The following EYS variants were observed in gnomAD, a reference collection of about 807,000 sequenced individuals.
EYS encodes the protein EGF-like photoreceptor maintenance factor.
EYS carries 250 observed loss-of-function variants against 282.1 expected under a neutral mutation model. That is an observed-to-expected ratio of 0.89 (90% CI 0.80 to 0.98). The LOEUF (loss-of-function observed/expected upper bound fraction) is 0.98. Among genes scored for constraint, EYS ranks in the 50% least tolerant of loss-of-function variants. The probability of loss-of-function intolerance (pLI) is 0.00; values close to 1 mark genes in which losing one functional copy is unlikely to be tolerated. For synonymous variants in EYS, 1,355 were observed against 1,282.9 expected (o/e 1.06, Z -1.20); for missense variants, 4,016 against 3,709.0 (o/e 1.08, Z -2.15).
At chr6:65,681,261 T>C (rs1031865168) in intron 1 of EYS, among the ~76,000 whole-genome samples, 13 of 152,126 alleles carry the variant, frequency 8.5e-5, no homozygotes, top group Admixed American at 3.9e-4. Context: ...TTGGTCTATC[T>C]GGCAACCAAC....
chr6:65,519,708 A>ATATAT lies in EYS; in HGVS notation c.-332-23716_-332-23715insATATA, dbSNP rs1554205854. Among the ~76,000 whole-genome samples, 16 of 42,566 alleles carry ATATAT rather than the reference A, an allele frequency of 3.8e-4. No individual in the cohort carries two copies. In the East Asian group the frequency reaches 4.5e-3, roughly 12 times the overall value. The allele number at this position is 42,566 out of a possible 152,430, so 27.9% of individuals were successfully genotyped here. A position where few individuals can be genotyped will look rare whatever the true frequency, so the allele number is the denominator to read the frequency against. On this transcript the variant is annotated intron_variant, in intron 2 of 42. Transcript: ENST00000503581. Reference sequence around the variant, plus strand: ...TAACTATATATATATATATATATATATTTTTTTTTTTTTTTTTTTTTTTTT... The same window carrying ATATAT: ...TAACTATATATATATATATATATATATATATTTTTTTTTTTTTTTTTTTTTTTTTT...
At chr6:64,950,243 A>G (rs1769439503) in intron 14 of EYS, among the ~76,000 whole-genome samples, 2 of 152,014 alleles carry the variant, frequency 1.3e-5, no homozygotes, top group South Asian at 2.1e-4. Flanking sequence ...ATTTAAAAAT[A>G]TACCAAAGGA....
Position 63,984,621 on chromosome 6 carries a change from AC to A in EYS, c.6835-19del. 6.7e-7 allele frequency: 1 copy of A among 1,482,546 alleles called. No homozygotes were observed. Among genetic ancestry groups the A allele is most frequent in the East Asian group, 2.5e-5 (1 of 40,522 alleles). 91.8% of individuals were successfully genotyped at this position (1,482,546 alleles called of 1,614,324 possible). The stretch of plus-strand genomic sequence containing the variant: ...AAATATGCCTGTAGAAAAAGTAACA[AC>A]AAAAAATATTATAGGTTGTTGTCAG... On this transcript the variant is annotated intron_variant, in intron 34 of 42. Transcript: ENST00000503581.
chr6:64,020,584 A>G (rs1256417326), intron 33 of EYS, among the ~76,000 whole-genome samples: 1 of 152,180 alleles, frequency 6.6e-6, no homozygotes, highest in African/African-American at 2.4e-5. Flanking sequence ...AAATTATCCA[A>G]CAATTTCCAT....
At chr6:64,205,061 T>C (rs1000727616) in intron 31 of EYS, among the ~76,000 whole-genome samples, 9 of 152,166 alleles carry the variant, frequency 5.9e-5, no homozygotes, top group African/African-American at 2.2e-4. Flanking sequence ...TTCTTTCAGC[T>C]CTTCTGTAGT....
chr6:64,057,213 T>C (rs1439557723), intron 33 of EYS, among the ~76,000 whole-genome samples: 2 of 152,166 alleles, frequency 1.3e-5, no homozygotes, highest in Non-Finnish European at 2.9e-5. Flanking sequence ...AAGCATTAAA[T>C]TACTCTTAAC....
intron 5 of EYS, among the ~76,000 whole-genome samples, chr6:65,429,968 T>C (rs1234766274): frequency 6.6e-6 from 1 of 152,178 alleles, no homozygotes; most frequent in Non-Finnish European, 1.5e-5. Context: ...TTAATCCTCA[T>C]AATAACCTAT....
chr6:64,205,852 TATATAG>T (rs1765595304), intron 31 of EYS, among the ~76,000 whole-genome samples: 1 of 150,436 alleles, frequency 6.6e-6, no homozygotes, highest in Admixed American at 6.7e-5. Context: ...CACATATATA[TATATAG>T]AGAGAGAGAG....
rs142798104 is a variant in EYS at position 64,067,134 on chromosome 6, C to G, written c.6572-643G>C. ...TTTTATTTTTAAAAATGAGATCATA[C>G]TTTATTCATAAATTCATAAATGGCT... On this transcript the variant is annotated intron_variant, in intron 32 of 42. Transcript: ENST00000503581. 7.2e-4 allele frequency among the ~76,000 whole-genome samples: 110 copies of G among 152,228 alleles called. No homozygotes were observed. The East Asian group carries it at 0.016, about 23-fold the overall frequency.
chr6:65,254,317 C>T (rs1273340218), intron 12 of EYS, among the ~76,000 whole-genome samples: 1 of 151,830 alleles, frequency 6.6e-6, no homozygotes, highest in Non-Finnish European at 1.5e-5. Context: ...TGGTTAAACA[C>T]ATCTACTAAG....
chr6:64,656,784 CT>C (rs1583004582), intron 22 of EYS, among the ~76,000 whole-genome samples: 1 of 152,154 alleles, frequency 6.6e-6, no homozygotes, highest in Non-Finnish European at 1.5e-5. Context: ...AATTTCTGTT[CT>C]GCTTTGCATG....
chr6:65,373,624 C>T (rs563800221), intron 8 of EYS, among the ~76,000 whole-genome samples: 7 of 152,102 alleles, frequency 4.6e-5, no homozygotes, highest in African/African-American at 1.4e-4. Context: ...GATACAGGTG[C>T]TTTTCACAAA....
rs1235416255 is a variant in EYS, at chr6:64,543,317, A to C, written c.5644+46906T>G. Among the ~76,000 whole-genome samples the C allele has an allele frequency of 2.6e-5, 4 of 152,164 alleles. No homozygotes were observed. The East Asian group carries it at 7.7e-4, about 29-fold the overall frequency. On this transcript the variant is annotated intron_variant, in intron 26 of 42. Coordinates refer to ENST00000503581, the MANE Select transcript of EYS (RefSeq NM_001142800.2). Reference sequence around the variant, plus strand: ...ATTACGGAAAAACAGACTTTAAAAAACAGTATTAAAATGGAGGTAAATTAT... The same window carrying C: ...ATTACGGAAAAACAGACTTTAAAAACCAGTATTAAAATGGAGGTAAATTAT...
At chr6:65,120,101 G>A (rs1382593159) in intron 12 of EYS, among the ~76,000 whole-genome samples, 3 of 90,224 alleles carry the variant, frequency 3.3e-5, no homozygotes, top group Non-Finnish European at 6.7e-5. Context: ...GCAGTGAGCC[G>A]AGATCGCGCC....
chr6:64,673,995 T>C (rs1458921727), intron 22 of EYS, among the ~76,000 whole-genome samples: 3 of 152,038 alleles, frequency 2.0e-5, no homozygotes, highest in Non-Finnish European at 2.9e-5. Flanking sequence ...ATGTAACTAA[T>C]AGAAATACAA....
chr6:65,441,524 C>T (rs1480240209), intron 5 of EYS, among the ~76,000 whole-genome samples: 2 of 152,014 alleles, frequency 1.3e-5, no homozygotes, highest in African/African-American at 4.8e-5. Context: ...ACAGTTAGGT[C>T]TTTCAGCTGT....
intron 26 of EYS, among the ~76,000 whole-genome samples, chr6:64,445,140 AAGTC>A (rs1429516871): frequency 6.6e-6 from 1 of 152,232 alleles, no homozygotes; most frequent in African/African-American, 2.4e-5. Flanking sequence ...AGATTTTAAA[AAGTC>A]AGGACGATAT....
intron 32 of EYS, among the ~76,000 whole-genome samples, chr6:64,067,046 C>T (rs1771397795): frequency 6.6e-6 from 1 of 151,866 alleles, no homozygotes; most frequent in Non-Finnish European, 1.5e-5. Flanking sequence ...ATTCTTCATC[C>T]CCACTTTGAA....
chr6:65,085,764 A>G (rs527520459), intron 12 of EYS, among the ~76,000 whole-genome samples: 1 of 151,810 alleles, frequency 6.6e-6, no homozygotes, highest in South Asian at 2.1e-4. Context: ...ACTTTTCTCT[A>G]TTCCCTTTAC....
Sources: allele counts gnomAD v4.1 joint callset (sites outside exome capture counted in the v4.1 genomes callset), GRCh38; gene constraint gnomAD v4.1.1; transcripts MANE v1.5; gene names NCBI Gene and HGNC (gene_info 2026-07-23, HGNC 2026-07-21).